TBC1D2B: variants seen among roughly 807,000 people sequenced by gnomAD.
TBC1D2B encodes TBC1 domain family member 2B.
TBC1D2B carries 64 observed loss-of-function variants against 100.8 expected under a neutral mutation model. The ratio of observed to expected loss-of-function variants is 0.64; its 90% CI spans 0.52 to 0.78. TBC1D2B has a LOEUF of 0.78. Ranked by LOEUF, TBC1D2B falls within the 30% of genes least tolerant of loss-of-function variation. The pLI, the probability that TBC1D2B is intolerant of heterozygous loss-of-function variation, is 0.00. For synonymous variants in TBC1D2B, 480 were observed against 479.7 expected (o/e 1.00, Z -0.01); for missense variants, 1,052 against 1,218.4 (o/e 0.86, Z 2.03).
intron 1 of TBC1D2B, among the ~76,000 whole-genome samples, chr15:78,072,807 G>C (rs1057035867): frequency 2.6e-5 from 4 of 152,132 alleles, no homozygotes; most frequent in Non-Finnish European, 5.9e-5. Context: ...TTCCAGTAAA[G>C]CTCTGTGAGA....
intron 3 of TBC1D2B, among the ~76,000 whole-genome samples, chr15:78,034,903 T>C (rs1260586798): frequency 6.6e-6 from 1 of 152,240 alleles, no homozygotes; most frequent in Non-Finnish European, 1.5e-5. Context: ...ACTCACCCTG[T>C]CTGCTCTGGC....
rs567945567 is a variant in TBC1D2B at position 77,995,543 on chromosome 15, A to T, written c.*2617T>A. 6 of 152,252 alleles carry T rather than the reference A, an allele frequency of 3.9e-5. No individual in the cohort carries two copies. Among genetic ancestry groups the T allele is most frequent in the Admixed American group, 1.3e-4 (2 of 15,274 alleles). 9.4% of individuals were successfully genotyped at this position (152,252 alleles called of 1,614,324 possible). ...CACACAAGGGAGTCACACACATAACATAATAACTTGTTATATAAAATAGAT... is the reference window on the plus strand; with the variant it reads ...CACACAAGGGAGTCACACACATAACTTAATAACTTGTTATATAAAATAGAT... On this transcript the variant is annotated 3_prime_UTR_variant, in exon 13 of 13. Coordinates refer to ENST00000300584, the MANE Select transcript of TBC1D2B (RefSeq NM_144572.2).
At chr15:78,047,414 T>C (rs961048520) in intron 2 of TBC1D2B, among the ~76,000 whole-genome samples, 2 of 152,038 alleles carry the variant, frequency 1.3e-5, no homozygotes, top group Non-Finnish European at 1.5e-5. Flanking sequence ...AACAGTAACA[T>C]GTCAAGCTCC....
rs1481021096 is a variant in TBC1D2B, at chr15:78,025,863, T to C, written c.848-366A>G. Among the ~76,000 whole-genome samples the C allele has an allele frequency of 3.8e-4, 58 of 152,024 alleles. 1 individual carries two copies. The highest frequency in any genetic ancestry group is 3.8e-3 in the Admixed American group (58 of 15,248). ...TTAAACAAAAACCACATCTTCCTTT[T>C]GGAAACTATAACAAAATAAAGCATC... On this transcript the variant is annotated intron_variant, in intron 4 of 12. Coordinates refer to ENST00000300584, the MANE Select transcript of TBC1D2B (RefSeq NM_144572.2).
chr15:78,052,733 G>A (rs1430291641), intron 2 of TBC1D2B, among the ~76,000 whole-genome samples: 1 of 152,208 alleles, frequency 6.6e-6, no homozygotes, highest in African/African-American at 2.4e-5. Context: ...AAAGGCACTG[G>A]CTATGCTCAT....
intron 5 of TBC1D2B, 111 bp downstream of exon 5, chr15:78,025,148 G>T: frequency 1.1e-6 from 1 of 909,728 alleles, no homozygotes; most frequent in Non-Finnish European, 1.7e-6. Context: ...AGCAACTCCT[G>T]GGAAACAAAG....
intron 3 of TBC1D2B, among the ~76,000 whole-genome samples, chr15:78,033,083 A>G (rs1432596027): frequency 1.3e-5 from 2 of 152,250 alleles, no homozygotes; most frequent in Non-Finnish European, 2.9e-5. Flanking sequence ...AATACAAATA[A>G]TATTTAAAGT....
At chr15:78,042,975 G>A (rs989727255) in intron 3 of TBC1D2B, among the ~76,000 whole-genome samples, 5 of 152,126 alleles carry the variant, frequency 3.3e-5, no homozygotes, top group Non-Finnish European at 7.4e-5. Flanking sequence ...CCACAAGCCA[G>A]GATGAGGAAG....
chr15:77,998,484 T>C (rs1193693825), intron 12 of TBC1D2B, 129 bp from the exon 13 acceptor site: 1 of 805,956 alleles, frequency 1.2e-6, no homozygotes, highest in Admixed American at 3.1e-5. Context: ...TGGGGCCTGA[T>C]GTAGGGGATG....
chr15:78,014,616 C>T (rs908602735), intron 8 of TBC1D2B, among the ~76,000 whole-genome samples: 16 of 152,248 alleles, frequency 1.1e-4, no homozygotes, highest in African/African-American at 3.6e-4. Flanking sequence ...CATGCTCAGT[C>T]GTGTGCATTT....
chr15:78,012,121 G>T (rs188115145), intron 9 of TBC1D2B, among the ~76,000 whole-genome samples: 3 of 152,300 alleles, frequency 2.0e-5, no homozygotes, highest in African/African-American at 7.2e-5. Flanking sequence ...TCATTACACA[G>T]AAATATAAAT....
chr15:78,003,654 T>C lies in TBC1D2B; in HGVS notation c.2389-164A>G, dbSNP rs1201340552. ...CCATCACGGAGCCAGACTACTATGT[T>C]CCAGCAGCGCTGACCTCGTGCACTG... On this transcript the variant is annotated intron_variant, in intron 10 of 12. Transcript: ENST00000300584. The C allele has an allele frequency of 1.0e-5, 6 of 585,664 alleles. No homozygotes were observed. In the East Asian group the frequency reaches 1.7e-4, roughly 16 times the overall value. The allele number at this position is 585,664 out of a possible 1,614,324, so 36.3% of individuals were successfully genotyped here.
chr15:78,031,760 G>C (rs929354054), intron 3 of TBC1D2B, among the ~76,000 whole-genome samples: 15 of 151,964 alleles, frequency 9.9e-5, no homozygotes, highest in African/African-American at 3.1e-4. Context: ...GGAATAACAA[G>C]GACTAGATTT....
chr15:78,065,713 TACC>T (rs1398247640), intron 1 of TBC1D2B, among the ~76,000 whole-genome samples: 1 of 152,046 alleles, frequency 6.6e-6, no homozygotes, highest in East Asian at 1.9e-4. Flanking sequence ...CACTATGCAA[TACC>T]ACATTATTCT....
At chr15:78,045,607 C>T (rs1249804668) in intron 2 of TBC1D2B, among the ~76,000 whole-genome samples, 1 of 152,218 alleles carries the variant, frequency 6.6e-6, no homozygotes, top group Non-Finnish European at 1.5e-5. Context: ...AGCAAACATA[C>T]TGATGCTAAA....
chr15:78,057,774 G>A (rs1022252348), intron 1 of TBC1D2B, among the ~76,000 whole-genome samples: 1 of 152,170 alleles, frequency 6.6e-6, no homozygotes, highest in African/African-American at 2.4e-5. Context: ...AGCCCCAAAG[G>A]GCCTTTTCTG....
intron 4 of TBC1D2B, among the ~76,000 whole-genome samples, chr15:78,026,443 A>G (rs1022128834): frequency 1.3e-5 from 2 of 152,152 alleles, no homozygotes; most frequent in African/African-American, 4.8e-5. Flanking sequence ...GGACTATACA[A>G]AACAAAGGCT....
rs958082185 is a variant in TBC1D2B, at chr15:77,996,246, G to A, written c.*1914C>T. ...TCAGGTGCATCTCTCAGGGCAAACT[G>A]GACAACACGAGCCTGTCCCTAAAGG... On this transcript the variant is annotated 3_prime_UTR_variant, in exon 13 of 13. Transcript: ENST00000300584. 4.6e-5 allele frequency: 7 copies of A among 152,066 alleles called. No homozygotes were observed. The highest frequency in any genetic ancestry group is 1.7e-4 in the African/African-American group (7 of 41,410). 9.4% of individuals were successfully genotyped at this position (152,066 alleles called of 1,614,324 possible). A position where few individuals can be genotyped will look rare whatever the true frequency, so the allele number is the denominator to read the frequency against.
intron 6 of TBC1D2B, among the ~76,000 whole-genome samples, chr15:78,023,776 G>C (rs1190000200): frequency 6.6e-6 from 1 of 152,178 alleles, no homozygotes; most frequent in East Asian, 1.9e-4. Flanking sequence ...GCATCCACTA[G>C]GTCCTGCAGC....
Sources: allele counts gnomAD v4.1 joint callset (sites outside exome capture counted in the v4.1 genomes callset), GRCh38; gene constraint gnomAD v4.1.1; transcripts MANE v1.5; gene names NCBI Gene and HGNC (gene_info 2026-07-23, HGNC 2026-07-21).